GLIS3: variants seen among roughly 807,000 people sequenced by gnomAD.
GLIS3 encodes the protein zinc finger protein GLIS3.
Under a neutral mutation model 78.6 loss-of-function variants are expected in GLIS3, and 53 were observed. The ratio of observed to expected loss-of-function variants is 0.67; its 90% CI spans 0.54 to 0.85. The LOEUF (loss-of-function observed/expected upper bound fraction) is 0.85, where lower values mean the gene tolerates loss of function less well. Ranked by LOEUF, GLIS3 falls within the 40% of genes least tolerant of loss-of-function variation. The probability of loss-of-function intolerance (pLI) is 0.00; values close to 1 mark genes in which losing one functional copy is unlikely to be tolerated. For missense variants in GLIS3, 1,703 were observed against 1,231.1 expected (o/e 1.38, Z -5.74); for synonymous variants, 684 against 509.9 (o/e 1.34, Z -4.60).
chr9:4,267,013 A>C (rs1254533672), intron 2 of GLIS3, among the ~76,000 whole-genome samples: 1 of 152,198 alleles, frequency 6.6e-6, no homozygotes, highest in Non-Finnish European at 1.5e-5. Flanking sequence ...TTTCCTAAAA[A>C]TCAAGACTTG....
the GLIS3 span, among the ~76,000 whole-genome samples, chr9:4,398,217 T>TAG: frequency 7.4e-6 from 1 of 135,038 alleles, no homozygotes; most frequent in African/African-American, 2.9e-5. Flanking sequence ...TGCTGAGGCA[T>TAG]ATTTTTTTTA....
chr9:4,176,005 C>G lies in GLIS3; in HGVS notation c.389-50064G>C, dbSNP rs201683499. On this transcript the variant is annotated intron_variant, in intron 2 of 10. Coordinates refer to ENST00000381971, the MANE Select transcript of GLIS3 (RefSeq NM_001042413.2). ...GAAAATATCTTTATGTTGATGAGTC[C>G]TGATTGAGCTCCAACCCTGCACACA... Among the ~76,000 whole-genome samples the G allele has an allele frequency of 5.9e-5, 9 of 152,214 alleles. No homozygotes were observed. The East Asian group carries it at 1.7e-3, about 29-fold the overall frequency.
intron 4 of GLIS3, among the ~76,000 whole-genome samples, chr9:4,058,845 G>A (rs1439588305): frequency 1.3e-5 from 2 of 152,058 alleles, no homozygotes; most frequent in African/African-American, 2.4e-5. Context: ...AGCCGGGTTT[G>A]GTGGCAGGTG....
intron 2 of GLIS3, among the ~76,000 whole-genome samples, chr9:4,205,872 C>T (rs923944474): frequency 1.3e-5 from 2 of 152,194 alleles, no homozygotes; most frequent in Non-Finnish European, 2.9e-5. Context: ...ATGACTTCTC[C>T]TTTAAGAAAT....
the GLIS3 span, among the ~76,000 whole-genome samples, chr9:4,426,802 A>G: frequency 1.2e-4 from 19 of 152,338 alleles, no homozygotes; most frequent in East Asian, 3.5e-3. Context: ...TGGAGACAAT[A>G]ATAGCTCCCA....
chr9:4,232,120 G>A (rs556443456), intron 2 of GLIS3, among the ~76,000 whole-genome samples: 2 of 152,288 alleles, frequency 1.3e-5, no homozygotes, highest in South Asian at 4.1e-4. Context: ...ACGCACACCT[G>A]TAATGCCAGC....
chr9:4,356,628 C>G, the GLIS3 span, among the ~76,000 whole-genome samples: 2 of 152,180 alleles, frequency 1.3e-5, no homozygotes, highest in Non-Finnish European at 2.9e-5. Flanking sequence ...AAAGGGAACA[C>G]AGCAGATTCA....
At chr9:4,252,119 T>C (rs1824455852) in intron 2 of GLIS3, among the ~76,000 whole-genome samples, 1 of 152,160 alleles carries the variant, frequency 6.6e-6, no homozygotes, top group Admixed American at 6.5e-5. Context: ...CTTTGTGGTG[T>C]TCTCTGTATT....
the GLIS3 span, among the ~76,000 whole-genome samples, chr9:4,377,142 G>A: frequency 7.4e-6 from 1 of 135,160 alleles, no homozygotes; most frequent in Non-Finnish European, 1.7e-5. Flanking sequence ...TTGTTTCTGG[G>A]TGTGTCTGTG....
upstream of GLIS3, among the ~76,000 whole-genome samples, chr9:4,304,251 G>A (rs1194153987): frequency 3.3e-5 from 5 of 152,194 alleles, no homozygotes; most frequent in East Asian, 1.9e-4. Context: ...AGTACAAGGC[G>A]TCTTGTTATC....
chr9:4,253,526 G>C (rs1379327455), intron 2 of GLIS3, among the ~76,000 whole-genome samples: 1 of 152,232 alleles, frequency 6.6e-6, no homozygotes, highest in Admixed American at 6.5e-5. Context: ...GAAGCCAGTG[G>C]ATCTTGGCTT....
intron 2 of GLIS3, among the ~76,000 whole-genome samples, chr9:4,196,721 A>G (rs989372345): frequency 6.6e-6 from 1 of 152,244 alleles, no homozygotes; most frequent in African/African-American, 2.4e-5. Flanking sequence ...GCCATTTTTA[A>G]GAACTGTAAC....
At chr9:3,929,200 G>A (rs760899816) in intron 6 of GLIS3, among the ~76,000 whole-genome samples, 21 of 152,150 alleles carry the variant, frequency 1.4e-4, no homozygotes, top group Non-Finnish European at 2.5e-4. Context: ...TAATGGACTC[G>A]AGATCTGCAA....
chr9:4,124,443 G>A lies in GLIS3; in HGVS notation c.596+1291C>T, dbSNP rs80209407. On this transcript the variant is annotated intron_variant, in intron 3 of 10. Coordinates refer to ENST00000381971, the MANE Select transcript of GLIS3 (RefSeq NM_001042413.2). Reference sequence around the variant, plus strand: ...AATTATACTTCTGCCTTCAAGGCATGGGCTGGACTTGCCACAGAAAGGAAG... The same window carrying A: ...AATTATACTTCTGCCTTCAAGGCATAGGCTGGACTTGCCACAGAAAGGAAG... 2.0e-3 allele frequency among the ~76,000 whole-genome samples: 298 copies of A among 152,282 alleles called. 1 individual carries two copies. In the Middle Eastern group the frequency reaches 0.027, roughly 14 times the overall value.
chr9:3,895,512 G>T (rs894302934), intron 7 of GLIS3, among the ~76,000 whole-genome samples: 8 of 152,150 alleles, frequency 5.3e-5, no homozygotes, highest in African/African-American at 1.9e-4. Flanking sequence ...TCCTCAGCAT[G>T]GCCTCAAGTG....
At chr9:4,063,871 G>A (rs930366728) in intron 4 of GLIS3, among the ~76,000 whole-genome samples, 2 of 152,104 alleles carry the variant, frequency 1.3e-5, no homozygotes, top group African/African-American at 2.4e-5. Context: ...TTCAGTGTAC[G>A]TGTGTGAGTT....
chr9:4,471,038 C>G, the GLIS3 span, among the ~76,000 whole-genome samples: 2 of 151,694 alleles, frequency 1.3e-5, no homozygotes, highest in African/African-American at 4.8e-5. Context: ...CCTAGGAATC[C>G]AACTTACAAG....
the GLIS3 span, among the ~76,000 whole-genome samples, chr9:4,371,816 C>A: frequency 6.6e-6 from 1 of 152,214 alleles, no homozygotes; most frequent in Non-Finnish European, 1.5e-5. Context: ...TCCAGTTGCC[C>A]TGAAGATCTG....
At chr9:4,312,393 G>A (rs1480049530) in intron 2 of GLIS3, among the ~76,000 whole-genome samples, 1 of 152,152 alleles carries the variant, frequency 6.6e-6, no homozygotes, top group East Asian at 1.9e-4. Context: ...ACTTGAACCA[G>A]GGAGTGGGAG....
Sources: allele counts gnomAD v4.1 joint callset (sites outside exome capture counted in the v4.1 genomes callset), GRCh38; gene constraint gnomAD v4.1.1; transcripts MANE v1.5; gene names NCBI Gene and HGNC (gene_info 2026-07-23, HGNC 2026-07-21).